PIGU: variants seen among roughly 807,000 people sequenced by gnomAD.
The protein encoded by PIGU is GPI-anchor transamidase component PIGU.
PIGU carries 24 observed loss-of-function variants against 49.9 expected under a neutral mutation model. The observed-to-expected ratio is 0.48, with a 90% CI of 0.35 to 0.68. The LOEUF is 0.68. Among genes scored for constraint, PIGU ranks in the 30% least tolerant of loss-of-function variants. PIGU has a pLI of 0.01. For missense variants in PIGU, 490 were observed against 532.6 expected, an observed-to-expected ratio of 0.92 and a Z score of 0.79; for synonymous variants, 220 against 205.7, an observed-to-expected ratio of 1.07 and a Z score of -0.59.
intron 7 of PIGU, among the ~76,000 whole-genome samples, chr20:34,592,784 G>A (rs967520813): frequency 6.6e-6 from 1 of 152,082 alleles, no homozygotes; most frequent in Non-Finnish European, 1.5e-5. Flanking sequence ...ATTTCTAGGG[G>A]TGATAACAGT....
chr20:34,615,484 C>T (rs1229881645), intron 7 of PIGU, among the ~76,000 whole-genome samples: 1 of 152,212 alleles, frequency 6.6e-6, no homozygotes, highest in African/African-American at 2.4e-5. Flanking sequence ...ATAAAATGCA[C>T]TTATACATTC....
At chr20:34,631,738 T>A (rs1985727992) in intron 6 of PIGU, among the ~76,000 whole-genome samples, 1 of 1,798 alleles carries the variant, frequency 5.6e-4, no homozygotes, top group Non-Finnish European at 1.0e-3. Context: ...TATATATATA[T>A]ATATATATAT....
At chr20:34,562,113 G>C (rs762527114) in intron 11 of PIGU, among the ~76,000 whole-genome samples, 7 of 152,210 alleles carry the variant, frequency 4.6e-5, no homozygotes, top group South Asian at 2.1e-4. Flanking sequence ...AGGAGGCCCA[G>C]AAAGGAATAG....
rs1983419002 is a variant in PIGU at position 34,580,633 on chromosome 20, G to A, written c.1051+915C>T. On this transcript the variant is annotated intron_variant, in intron 10 of 11. Coordinates refer to ENST00000217446, the MANE Select transcript of PIGU (RefSeq NM_080476.5). Reference sequence around the variant, plus strand: ...TGCCTCGTTTAGAGAATCAGGTGGTGCTGGGCCACTGACACTGCCTCTTTA... The same window carrying A: ...TGCCTCGTTTAGAGAATCAGGTGGTACTGGGCCACTGACACTGCCTCTTTA... Among the ~76,000 whole-genome samples, 5 of 152,344 alleles carry A rather than the reference G, an allele frequency of 3.3e-5. No individual in the cohort carries two copies. The South Asian group carries it at 1.0e-3, about 32-fold the overall frequency.
chr20:34,611,668 C>CAAAAAAAAAAAAAAAAAAAAAAAA (rs149027105), intron 7 of PIGU, among the ~76,000 whole-genome samples: 2 of 106,462 alleles, frequency 1.9e-5, no homozygotes, highest in Non-Finnish European at 3.8e-5. Flanking sequence ...AAAAAAAAGA[C>CAAAAAAAAAAAAAAAAAAAAAAAA]AAAAAAAAAA....
intron 1 of PIGU, among the ~76,000 whole-genome samples, chr20:34,673,503 T>C (rs1987379539): frequency 1.3e-5 from 2 of 152,214 alleles, no homozygotes. Flanking sequence ...CTCTTTCTAG[T>C]CCTGACACTG....
In PIGU at chr20:34,614,281, A is replaced by G. The variant is rs550467278; in HGVS notation, c.627+1761T>C. Among the ~76,000 whole-genome samples, 16 of 152,260 alleles carry G rather than the reference A, an allele frequency of 1.1e-4. 1 individual carries two copies. The South Asian group carries it at 2.7e-3, about 26-fold the overall frequency. ...CACTGCACATCCCATCCTGGGCAACAGAGTGAGACACTGTCTCAAAAATAA... is the reference window on the plus strand; with the variant it reads ...CACTGCACATCCCATCCTGGGCAACGGAGTGAGACACTGTCTCAAAAATAA... On this transcript the variant is annotated intron_variant, in intron 7 of 11. Coordinates refer to ENST00000217446, the MANE Select transcript of PIGU (RefSeq NM_080476.5).
At chr20:34,590,570 GCGTAA>G (rs1157978679) in intron 7 of PIGU, among the ~76,000 whole-genome samples, 35 of 118,962 alleles carry the variant, frequency 2.9e-4, no homozygotes, top group East Asian at 1.0e-3. Context: ...AAATAAAATA[GCGTAA>G]CGTAACATAA....
chr20:34,634,593 T>A, intron 6 of PIGU, 22 bp downstream of exon 6: 1 of 1,610,606 alleles, frequency 6.2e-7, no homozygotes. Context: ...CTGACCTTTG[T>A]ACTCTCCTTT....
intron 4 of PIGU, among the ~76,000 whole-genome samples, chr20:34,638,591 A>G (rs993549925): frequency 3.9e-5 from 6 of 152,248 alleles, no homozygotes; most frequent in Non-Finnish European, 1.5e-5. Flanking sequence ...TAAAGACTCC[A>G]AAGTTCCATC....
chr20:34,660,846 C>T (rs1306293602), intron 1 of PIGU, among the ~76,000 whole-genome samples: 4 of 152,124 alleles, frequency 2.6e-5, no homozygotes, highest in Admixed American at 2.6e-4. Context: ...TAGAAATGGA[C>T]ATTAGTGGGG....
At chr20:34,595,205 A>G (rs1381137058) in intron 7 of PIGU, among the ~76,000 whole-genome samples, 2 of 152,088 alleles carry the variant, frequency 1.3e-5, no homozygotes, top group African/African-American at 2.4e-5. Context: ...TAAAGAGAAG[A>G]CAGCCCTCCA....
At chr20:34,605,956 C>T (rs1305415802) in intron 7 of PIGU, among the ~76,000 whole-genome samples, 1 of 152,006 alleles carries the variant, frequency 6.6e-6, no homozygotes, top group Non-Finnish European at 1.5e-5. Flanking sequence ...TCATCACATC[C>T]AGGTAATCAA....
At chr20:34,623,180 A>T (rs1396260436) in intron 6 of PIGU, among the ~76,000 whole-genome samples, 1 of 151,650 alleles carries the variant, frequency 6.6e-6, no homozygotes, top group Non-Finnish European at 1.5e-5. Context: ...ACAGGCAGAA[A>T]CGCACTGGAA....
chr20:34,599,958 C>CT (rs1311646449), intron 7 of PIGU, among the ~76,000 whole-genome samples: 1 of 152,214 alleles, frequency 6.6e-6, no homozygotes, highest in African/African-American at 2.4e-5. Flanking sequence ...CTCAGTCCCA[C>CT]TAGCAAATTT....
rs568524101 is a variant in PIGU at position 34,612,500 on chromosome 20, A to C, written c.627+3542T>G. Among the ~76,000 whole-genome samples, 65 of 152,252 alleles carry C rather than the reference A, an allele frequency of 4.3e-4. No homozygotes were observed. The South Asian group carries it at 0.013, about 31-fold the overall frequency. ...ACCTATGTAACAAACCTGCGCATTCAGCACATGTATTCCAGAACTTAAAGT... is the reference window on the plus strand; with the variant it reads ...ACCTATGTAACAAACCTGCGCATTCCGCACATGTATTCCAGAACTTAAAGT... On this transcript the variant is annotated intron_variant, in intron 7 of 11. Coordinates refer to ENST00000217446, the MANE Select transcript of PIGU (RefSeq NM_080476.5).
intron 11 of PIGU, among the ~76,000 whole-genome samples, chr20:34,564,380 T>C (rs1300229339): frequency 6.6e-6 from 1 of 152,174 alleles, no homozygotes; most frequent in Non-Finnish European, 1.5e-5. Flanking sequence ...AAAAAATAAA[T>C]GAACTAGCTG....
intron 7 of PIGU, among the ~76,000 whole-genome samples, chr20:34,597,817 C>T (rs750802895): frequency 6.6e-6 from 1 of 152,098 alleles, no homozygotes. Flanking sequence ...TTTTTCATTA[C>T]AGAATGTTGG....
chr20:34,583,081 T>A (rs1983551571), intron 9 of PIGU, among the ~76,000 whole-genome samples: 1 of 152,218 alleles, frequency 6.6e-6, no homozygotes, highest in Admixed American at 6.5e-5. Flanking sequence ...GGTGACTCAA[T>A]GGGTATGAAT....
Sources: gnomAD v4.1 joint callset for allele counts (sites outside exome capture counted in the v4.1 genomes callset) on GRCh38, gnomAD v4.1.1 for gene constraint, MANE v1.5 for transcripts, NCBI Gene and HGNC (gene_info 2026-07-23, HGNC 2026-07-21) for gene names.